Variants in SLC44A5 observed in about 807,000 individuals in gnomAD.
SLC44A5 encodes solute carrier family 44 member 5.
Under a neutral mutation model 101.8 loss-of-function variants are expected in SLC44A5, and 57 were observed. The observed-to-expected ratio is 0.56, with a 90% confidence interval of 0.45 to 0.70. SLC44A5 has a LOEUF of 0.70. Among genes scored for constraint, SLC44A5 ranks in the 30% least tolerant of loss-of-function variants. The pLI is 0.00. For missense variants in SLC44A5, 737 were observed against 853.1 expected (o/e 0.86, Z 1.70); for synonymous variants, 281 against 290.9 (o/e 0.97, Z 0.35).
chr1:75,414,263 G>T (rs1663475342), intron 2 of SLC44A5, among the ~76,000 whole-genome samples: 1 of 149,168 alleles, frequency 6.7e-6, no homozygotes, highest in Admixed American at 6.8e-5. Flanking sequence ...TAACACCTTG[G>T]GCTTTATATA....
intron 3 of SLC44A5, among the ~76,000 whole-genome samples, chr1:75,371,011 G>A (rs2101168951): frequency 6.6e-6 from 1 of 152,254 alleles, no homozygotes; most frequent in Middle Eastern, 3.4e-3. Context: ...TTGGGACAAT[G>A]CTCTCATCTC....
intron 3 of SLC44A5, among the ~76,000 whole-genome samples, chr1:75,376,888 G>A (rs1660663563): frequency 1.3e-5 from 2 of 152,268 alleles, no homozygotes; most frequent in South Asian, 4.2e-4. Context: ...TGAGCTACGG[G>A]AGGACATTCA....
At position 75,219,297 on chromosome 1, in the gene SLC44A5, C is replaced by G. The variant is rs772124942; in HGVS notation, c.1226G>C (p.Gly409Ala). Residue 409 changes from glycine (G) to alanine (A), a missense_variant, in exon 16 of 24, where the codon GGG becomes GCG. Transcript: ENST00000370859. ...GVPVYKVIAP[G>A]GHCIHENQTC... Reference sequence around the variant, plus strand: ...TTGATTTTCATGTATACAATGCCCCCCTGGAGCTATGACTTTGTATACAGG... The same window carrying G: ...TTGATTTTCATGTATACAATGCCCCGCTGGAGCTATGACTTTGTATACAGG... The G allele has an allele frequency of 4.5e-5, 73 of 1,613,294 alleles. No homozygotes were observed. Among genetic ancestry groups the G allele is most frequent in the Non-Finnish European group, 6.1e-5 (72 of 1,179,540 alleles).
At chr1:75,211,823 C>CTTTTA (rs1187363628) in intron 22 of SLC44A5, among the ~76,000 whole-genome samples, 2 of 147,764 alleles carry the variant, frequency 1.4e-5, no homozygotes, top group East Asian at 4.0e-4. Flanking sequence ...CCTTTCTTTT[C>CTTTTA]TTTTCTTTTC....
At chr1:75,232,478 A>G (rs4369182) in intron 12 of SLC44A5, among the ~76,000 whole-genome samples, 42,852 of 151,752 alleles carry the variant, frequency 0.28, 6,325 homozygotes, top group Middle Eastern at 0.36. Flanking sequence ...TTAGGGCATG[A>G]AAGTTCTTGT....
intron 2 of SLC44A5, among the ~76,000 whole-genome samples, chr1:75,481,177 T>G (rs1304345121): frequency 1.3e-5 from 2 of 152,114 alleles, no homozygotes; most frequent in African/African-American, 4.8e-5. Flanking sequence ...TTAATAAATG[T>G]TGCTGGGAAA....
At chr1:75,685,935 A>G in the SLC44A5 span, among the ~76,000 whole-genome samples, 13 of 152,158 alleles carry the variant, frequency 8.5e-5, no homozygotes. Context: ...GAGAAGTCTC[A>G]CCATGACTTA....
At chr1:75,293,174 T>G (rs957297085) in intron 5 of SLC44A5, among the ~76,000 whole-genome samples, 3 of 152,188 alleles carry the variant, frequency 2.0e-5, no homozygotes, top group Non-Finnish European at 4.4e-5. Flanking sequence ...TGGTGAAAAA[T>G]TTATTCAGGC....
intron 2 of SLC44A5, among the ~76,000 whole-genome samples, chr1:75,407,198 G>A (rs1662931867): frequency 2.0e-5 from 3 of 151,972 alleles, no homozygotes; most frequent in African/African-American, 7.3e-5. Flanking sequence ...CACTGCTCAA[G>A]GAAACAAGAG....
intron 3 of SLC44A5, among the ~76,000 whole-genome samples, chr1:75,361,027 A>G (rs1659452315): frequency 1.3e-5 from 2 of 152,082 alleles, no homozygotes; most frequent in Admixed American, 6.6e-5. Flanking sequence ...TTTCCCCTAC[A>G]TGATTAAATT....
intron 13 of SLC44A5, among the ~76,000 whole-genome samples, chr1:75,226,722 A>G (rs1216009672): frequency 6.6e-6 from 1 of 152,022 alleles, no homozygotes; most frequent in Non-Finnish European, 1.5e-5. Context: ...GAATATAAAG[A>G]TGATTTTTTT....
At chr1:75,271,177 A>T (rs532918684) in intron 6 of SLC44A5, among the ~76,000 whole-genome samples, 2 of 152,180 alleles carry the variant, frequency 1.3e-5, no homozygotes, top group East Asian at 3.9e-4. Context: ...ATGATTAGGA[A>T]TTTGCCCCTC....
At chr1:75,389,289 A>T (rs184799859) in intron 3 of SLC44A5, among the ~76,000 whole-genome samples, 2 of 152,262 alleles carry the variant, frequency 1.3e-5, no homozygotes, top group African/African-American at 2.4e-5. Context: ...CTAACAAAGA[A>T]ATTCTGGACT....
intron 4 of SLC44A5, among the ~76,000 whole-genome samples, chr1:75,335,165 C>T (rs11163155): frequency 0.31 from 47,095 of 152,096 alleles, 8,897 homozygotes; most frequent in East Asian, 0.82. Context: ...TCTCACTCTG[C>T]GTTCTCTAAA....
chr1:75,429,393 A>T (rs559889097), intron 2 of SLC44A5, among the ~76,000 whole-genome samples: 45 of 152,304 alleles, frequency 3.0e-4, no homozygotes, highest in African/African-American at 9.9e-4. Flanking sequence ...CTGGATCCTC[A>T]CTATCATGAA....
chr1:75,543,594 A>T (rs1460549188), intron 1 of SLC44A5, among the ~76,000 whole-genome samples: 1 of 145,580 alleles, frequency 6.9e-6, no homozygotes, highest in South Asian at 2.1e-4. Flanking sequence ...TATATAAATA[A>T]ATATATATAT....
intron 1 of SLC44A5, among the ~76,000 whole-genome samples, chr1:75,594,346 T>C (rs751409528): frequency 5.9e-5 from 9 of 151,966 alleles, no homozygotes; most frequent in Non-Finnish European, 1.2e-4. Flanking sequence ...TGTTTAAATA[T>C]AGCACGACAG....
the SLC44A5 span, among the ~76,000 whole-genome samples, chr1:75,671,276 C>T: frequency 6.6e-6 from 1 of 152,126 alleles, no homozygotes; most frequent in Non-Finnish European, 1.5e-5. Flanking sequence ...TACTCATTTT[C>T]ACATAAAAAC....
At chr1:75,355,376 C>A (rs917480792) in intron 3 of SLC44A5, among the ~76,000 whole-genome samples, 1 of 152,108 alleles carries the variant, frequency 6.6e-6, no homozygotes, top group Non-Finnish European at 1.5e-5. Flanking sequence ...TTGAAAAAAT[C>A]ATTTTGCTTT....
Sources: gnomAD v4.1 joint callset for allele counts (sites outside exome capture counted in the v4.1 genomes callset) on GRCh38, gnomAD v4.1.1 for gene constraint, MANE v1.5 for transcripts, NCBI Gene and HGNC (gene_info 2026-07-23, HGNC 2026-07-21) for gene names.